MAGI1: variants seen among roughly 807,000 people sequenced by gnomAD.
The protein encoded by MAGI1 is membrane associated guanylate kinase, WW and PDZ domain containing 1.
A neutral mutation model predicts 139.9 loss-of-function variants in MAGI1; 58 were observed. The ratio of observed to expected loss-of-function variants is 0.41; its 90% CI spans 0.34 to 0.52. The LOEUF (loss-of-function observed/expected upper bound fraction) is 0.52, where lower values mean the gene tolerates loss of function less well. MAGI1 is among the 20% of genes least tolerant of loss of function. The pLI is 0.12. For synonymous variants in MAGI1, 812 were observed against 737.9 expected, an observed-to-expected ratio of 1.10 and a Z score of -1.63; for missense variants, 1,874 against 1,901.6, an observed-to-expected ratio of 0.99 and a Z score of 0.27.
intron 1 of MAGI1, chr3:65,914,212 C>T (rs1008175564): frequency 2.0e-5 from 3 of 152,156 alleles, no homozygotes; most frequent in South Asian, 2.1e-4. Flanking sequence ...AGCATAAACC[C>T]GGCGGGGACT....
intron 1 of MAGI1, among the ~76,000 whole-genome samples, chr3:65,638,666 G>A (rs959053645): frequency 7.3e-6 from 1 of 136,410 alleles, no homozygotes; most frequent in Admixed American, 8.1e-5. Flanking sequence ...CTGGAGTGCA[G>A]TGGTGCGATC....
intron 1 of MAGI1, among the ~76,000 whole-genome samples, chr3:65,816,605 T>A (rs544129239): frequency 1.3e-5 from 2 of 150,904 alleles, no homozygotes; most frequent in African/African-American, 4.9e-5. Flanking sequence ...GGAGCTTTGT[T>A]AACAAGTCAG....
intron 12 of MAGI1, among the ~76,000 whole-genome samples, chr3:65,426,829 C>T (rs1173685947): frequency 1.3e-5 from 2 of 152,154 alleles, no homozygotes; most frequent in African/African-American, 4.8e-5. Flanking sequence ...ATACACAAGA[C>T]ATATGGTGTA....
intron 18 of MAGI1, among the ~76,000 whole-genome samples, chr3:65,370,261 C>T (rs989053930): frequency 1.3e-5 from 2 of 152,134 alleles, no homozygotes; most frequent in African/African-American, 4.8e-5. Context: ...CAGCGAGACT[C>T]CGTCTCAAAA....
chr3:65,959,445 T>C lies in MAGI1; in HGVS notation c.313+78551A>G, dbSNP rs534867884. 3.9e-5 allele frequency among the ~76,000 whole-genome samples: 6 copies of C among 152,060 alleles called. No individual in the cohort carries two copies. The South Asian group carries it at 1.2e-3, about 32-fold the overall frequency. On this transcript the variant is annotated intron_variant, in intron 1 of 22. Transcript: ENST00000402939. ...TGTGCACAGTAAGTGAGTGATGCTC[T>C]TTTTGTTATTTTGGTTTTTCCTTTT... is the stretch of plus-strand genomic sequence containing the variant.
intron 2 of MAGI1, among the ~76,000 whole-genome samples, chr3:65,610,795 GTA>G (rs1452830822): frequency 1.2e-5 from 1 of 81,856 alleles, no homozygotes; most frequent in Non-Finnish European, 2.7e-5. Context: ...AGTATATATA[GTA>G]TATATAGGTA....
At chr3:65,715,975 A>C (rs917970182) in intron 1 of MAGI1, among the ~76,000 whole-genome samples, 3 of 152,226 alleles carry the variant, frequency 2.0e-5, no homozygotes, top group Admixed American at 6.5e-5. Context: ...GTTGAAGTAG[A>C]GCTTTCAAAA....
chr3:65,649,690 A>C (rs1215710020), intron 1 of MAGI1, among the ~76,000 whole-genome samples: 3 of 152,252 alleles, frequency 2.0e-5, no homozygotes, highest in Non-Finnish European at 2.9e-5. Context: ...GATAAAAGAT[A>C]TGAACAGACT....
intron 2 of MAGI1, among the ~76,000 whole-genome samples, chr3:65,582,430 C>G (rs946723903): frequency 2.6e-5 from 4 of 152,254 alleles, no homozygotes; most frequent in Non-Finnish European, 4.4e-5. Flanking sequence ...TATGCACAGG[C>G]CTTCCTCAAT....
intron 1 of MAGI1, among the ~76,000 whole-genome samples, chr3:65,826,567 T>G (rs2042242299): frequency 1.3e-5 from 2 of 152,186 alleles, no homozygotes; most frequent in African/African-American, 4.8e-5. Context: ...TTACTGACCT[T>G]AGTTATTATT....
At chr3:65,954,843 CACTGAGGAAGTGCCAGGT>C (rs918702743) in intron 1 of MAGI1, among the ~76,000 whole-genome samples, 1 of 152,144 alleles carries the variant, frequency 6.6e-6, no homozygotes, top group Non-Finnish European at 1.5e-5. Flanking sequence ...CAGTGCCTGG[CACTGAGGAAGTGCCAGGT>C]AAGGGCAGCT....
At chr3:65,827,457 A>G (rs973690455) in intron 1 of MAGI1, among the ~76,000 whole-genome samples, 1 of 152,238 alleles carries the variant, frequency 6.6e-6, no homozygotes, top group Non-Finnish European at 1.5e-5. Context: ...AGGCAATATT[A>G]TCACTTGGAA....
chr3:65,366,542 C>T (rs1188405487), intron 18 of MAGI1, among the ~76,000 whole-genome samples: 1 of 152,124 alleles, frequency 6.6e-6, no homozygotes. Context: ...TACTGGGAGA[C>T]AGTTTAGCAC....
chr3:65,794,545 A>G (rs1018906634), intron 1 of MAGI1, among the ~76,000 whole-genome samples: 1 of 152,216 alleles, frequency 6.6e-6, no homozygotes, highest in South Asian at 2.1e-4. Context: ...AATGAAAATC[A>G]AAACCCTCAT....
chr3:65,739,166 C>T (rs1339895950), intron 1 of MAGI1, among the ~76,000 whole-genome samples: 1 of 152,234 alleles, frequency 6.6e-6, no homozygotes, highest in East Asian at 1.9e-4. Context: ...CTTGCTGTAG[C>T]TTCTACAATA....
intron 1 of MAGI1, among the ~76,000 whole-genome samples, chr3:65,837,310 A>C (rs1172613064): frequency 6.6e-6 from 1 of 152,166 alleles, no homozygotes; most frequent in African/African-American, 2.4e-5. Flanking sequence ...CTGTCTGAAC[A>C]ACCCCACAGA....
chr3:65,504,077 T>A (rs1209280725), intron 2 of MAGI1, among the ~76,000 whole-genome samples: 1 of 152,092 alleles, frequency 6.6e-6, no homozygotes, highest in Non-Finnish European at 1.5e-5. Flanking sequence ...TTCCCAGTAA[T>A]AAACAAAAAC....
chr3:65,929,411 G>C (rs1314784834), intron 1 of MAGI1, among the ~76,000 whole-genome samples: 2 of 151,450 alleles, frequency 1.3e-5, no homozygotes, highest in African/African-American at 4.9e-5. Context: ...CGCGATCTCA[G>C]CTTACTGCAA....
At chr3:65,409,429 T>C (rs1575644698) in intron 12 of MAGI1, among the ~76,000 whole-genome samples, 2 of 152,138 alleles carry the variant, frequency 1.3e-5, no homozygotes. Context: ...TGGAAGCACA[T>C]GCAATGATTG....
Sources: gnomAD v4.1 joint callset for allele counts (sites outside exome capture counted in the v4.1 genomes callset) on GRCh38, gnomAD v4.1.1 for gene constraint, MANE v1.5 for transcripts, NCBI Gene and HGNC (gene_info 2026-07-23, HGNC 2026-07-21) for gene names.